Variants in LRBA observed in about 807,000 individuals in gnomAD.
The protein encoded by LRBA is LPS responsive beige-like anchor protein.
In LRBA, 176 loss-of-function variants were observed where a neutral mutation model predicts 330.0. That is an observed-to-expected ratio of 0.53 (90% CI 0.47 to 0.60). LRBA has a LOEUF of 0.60. Ranked by LOEUF, LRBA falls within the 20% of genes least tolerant of loss-of-function variation. The probability of loss-of-function intolerance (pLI) is 0.00; values close to 1 mark genes in which losing one functional copy is unlikely to be tolerated. For synonymous variants in LRBA, 1,230 were observed against 1,193.0 expected (o/e 1.03, Z -0.64); for missense variants, 3,259 against 3,444.8 (o/e 0.95, Z 1.35).
chr4:150,955,162 T>C (rs1335855693), intron 2 of LRBA, among the ~76,000 whole-genome samples: 1 of 148,676 alleles, frequency 6.7e-6, no homozygotes, highest in Non-Finnish European at 1.5e-5. Context: ...GTAGTCCCAG[T>C]GTCTCAGGAC....
intron 13 of LRBA, among the ~76,000 whole-genome samples, chr4:150,901,872 T>C (rs1007176715): frequency 2.0e-5 from 3 of 152,192 alleles, no homozygotes; most frequent in South Asian, 2.1e-4. Context: ...CCACTTGTCA[T>C]TGAGACAATA....
At chr4:150,377,230 TTA>T (rs1741485600) in intron 47 of LRBA, among the ~76,000 whole-genome samples, 1 of 151,880 alleles carries the variant, frequency 6.6e-6, no homozygotes. Context: ...GGTCTGTCCC[TTA>T]TATAGATTTA....
intron 47 of LRBA, among the ~76,000 whole-genome samples, chr4:150,413,432 T>A (rs1012906189): frequency 5.9e-5 from 9 of 152,072 alleles, no homozygotes; most frequent in African/African-American, 2.2e-4. Context: ...ATCTATAAAA[T>A]GGAATACTAT....
At chr4:150,401,657 C>A (rs1006046838) in intron 47 of LRBA, among the ~76,000 whole-genome samples, 28 of 151,980 alleles carry the variant, frequency 1.8e-4, no homozygotes, top group Non-Finnish European at 3.5e-4. Flanking sequence ...ATATCACTAA[C>A]AAAAGTGATA....
At chr4:150,497,594 A>G (rs1759743172) in intron 40 of LRBA, among the ~76,000 whole-genome samples, 1 of 152,182 alleles carries the variant, frequency 6.6e-6, no homozygotes, top group Admixed American at 6.6e-5. Context: ...TATAGTATTC[A>G]TAGCATTTCA....
chr4:150,598,577 G>C (rs1321394279), intron 38 of LRBA, among the ~76,000 whole-genome samples: 1 of 152,054 alleles, frequency 6.6e-6, no homozygotes, highest in East Asian at 1.9e-4. Context: ...ATCTTTCCCA[G>C]TTCATGATCT....
intron 40 of LRBA, among the ~76,000 whole-genome samples, chr4:150,491,815 A>C (rs937032869): frequency 2.6e-5 from 4 of 152,142 alleles, no homozygotes; most frequent in African/African-American, 7.2e-5. Flanking sequence ...CGTTCATTTC[A>C]AAAGCTTAAT....
chr4:151,001,849 A>G (rs1278604690), intron 2 of LRBA, among the ~76,000 whole-genome samples: 1 of 152,120 alleles, frequency 6.6e-6, no homozygotes, highest in Non-Finnish European at 1.5e-5. Context: ...GCCCAAGGAC[A>G]GGCATTCTCA....
At chr4:150,380,246 G>A (rs1290083198) in intron 47 of LRBA, among the ~76,000 whole-genome samples, 1 of 151,892 alleles carries the variant, frequency 6.6e-6, no homozygotes, top group Non-Finnish European at 1.5e-5. Flanking sequence ...CTCCTCAATG[G>A]CGCAGGGTCA....
intron 2 of LRBA, among the ~76,000 whole-genome samples, chr4:150,943,876 G>A (rs1041147706): frequency 1.3e-5 from 2 of 152,170 alleles, no homozygotes; most frequent in African/African-American, 4.8e-5. Flanking sequence ...ACGAAGTTAG[G>A]TCATTAGAGC....
At chr4:150,436,175 T>A (rs1343304247) in intron 45 of LRBA, among the ~76,000 whole-genome samples, 1 of 152,190 alleles carries the variant, frequency 6.6e-6, no homozygotes, top group East Asian at 1.9e-4. Flanking sequence ...CTAAGCACTA[T>A]AAATTACTTC....
intron 47 of LRBA, among the ~76,000 whole-genome samples, chr4:150,390,864 G>A (rs1456611257): frequency 6.6e-6 from 1 of 152,152 alleles, no homozygotes. Flanking sequence ...GCTGAAATCA[G>A]AAATTTTCTC....
At chr4:150,502,189 C>A (rs2152118949) in intron 40 of LRBA, among the ~76,000 whole-genome samples, 2 of 152,316 alleles carry the variant, frequency 1.3e-5, no homozygotes, top group South Asian at 4.2e-4. Context: ...ATGAACAGTA[C>A]TCAGAGCTCA....
At chr4:150,889,717 C>A (rs1450731799) in intron 17 of LRBA, among the ~76,000 whole-genome samples, 2 of 152,154 alleles carry the variant, frequency 1.3e-5, no homozygotes, top group Admixed American at 6.5e-5. Context: ...CAAAACCAGT[C>A]CCTGGTGCCA....
intron 40 of LRBA, among the ~76,000 whole-genome samples, chr4:150,501,057 T>A (rs1760195724): frequency 6.6e-6 from 1 of 152,222 alleles, no homozygotes; most frequent in Non-Finnish European, 1.5e-5. Context: ...TCAGACGTAA[T>A]CTTCCAAAAA....
intron 47 of LRBA, among the ~76,000 whole-genome samples, chr4:150,405,787 G>A (rs1262984870): frequency 1.3e-5 from 2 of 152,248 alleles, no homozygotes; most frequent in African/African-American, 4.8e-5. Context: ...GGGTGCAGTC[G>A]CTCATGCCTA....
chr4:150,702,813 A>G (rs1005518513), intron 36 of LRBA, among the ~76,000 whole-genome samples: 5 of 152,348 alleles, frequency 3.3e-5, no homozygotes, highest in East Asian at 3.9e-4. Context: ...AGTATTATAC[A>G]AAGTCCATAT....
At chr4:150,973,689 C>G (rs565775720) in intron 2 of LRBA, among the ~76,000 whole-genome samples, 3 of 152,106 alleles carry the variant, frequency 2.0e-5, no homozygotes, top group Non-Finnish European at 4.4e-5. Context: ...GCTATTGATT[C>G]TGTTTAAAGA....
intron 37 of LRBA, among the ~76,000 whole-genome samples, chr4:150,630,235 A>G (rs1335074957): frequency 6.6e-6 from 1 of 152,152 alleles, no homozygotes; most frequent in Non-Finnish European, 1.5e-5. Context: ...TGATTTCACT[A>G]TTGGCAGTGT....
Sources: allele counts gnomAD v4.1 joint callset (sites outside exome capture counted in the v4.1 genomes callset), GRCh38; gene constraint gnomAD v4.1.1; transcripts MANE v1.5; gene names NCBI Gene and HGNC (gene_info 2026-07-23, HGNC 2026-07-21).